KCNIP2: variants seen among roughly 807,000 people sequenced by gnomAD.
KCNIP2 encodes A-type potassium channel modulatory protein KCNIP2.
A neutral mutation model predicts 39.0 loss-of-function variants in KCNIP2; 19 were observed. The ratio of observed to expected loss-of-function variants is 0.49; its 90% CI spans 0.34 to 0.71. The LOEUF (loss-of-function observed/expected upper bound fraction) is 0.71, where lower values mean the gene tolerates loss of function less well. Ranked by LOEUF, KCNIP2 falls within the 30% of genes least tolerant of loss-of-function variation. The pLI is 0.01. For missense variants in KCNIP2, 261 were observed against 346.0 expected (o/e 0.75, Z 1.95); for synonymous variants, 111 against 131.2 (o/e 0.85, Z 1.05).
At chr10:101,836,178 C>T (rs1026566377) in intron 1 of KCNIP2, among the ~76,000 whole-genome samples, 7 of 152,166 alleles carry the variant, frequency 4.6e-5, no homozygotes, top group Non-Finnish European at 8.8e-5. Flanking sequence ...GGGCACGCGT[C>T]CAACCTCACA....
rs1366609248 is a variant in KCNIP2, at chr10:101,830,460, G to A, written c.170-563C>T. On this transcript the variant is annotated intron_variant, in intron 2 of 9. Transcript: ENST00000356640. ...ACATACAGACCCTCACGGCCGCCTG[G>A]TCTACACAGGCCGCCACAGCTACAC... 4 of 1,285,772 alleles carry A rather than the reference G, an allele frequency of 3.1e-6. No individual in the cohort carries two copies. In the African/African-American group the frequency reaches 4.6e-5, roughly 15 times the overall value. 79.6% of individuals were successfully genotyped at this position (1,285,772 alleles called of 1,614,324 possible).
chr10:101,836,818 G>A (rs548580635), intron 1 of KCNIP2, among the ~76,000 whole-genome samples: 12 of 152,010 alleles, frequency 7.9e-5, no homozygotes, highest in Middle Eastern at 3.4e-3. Flanking sequence ...AAAATTAGCC[G>A]GGCGTGGTGG....
chr10:101,830,028 A>C, intron 2 of KCNIP2, 131 bp from the exon 3 acceptor site: 1 of 1,028,880 alleles, frequency 9.7e-7, no homozygotes, highest in Non-Finnish European at 1.4e-6. Flanking sequence ...GCACAGACAC[A>C]CACGAAACGG....
rs888138861 is a variant in KCNIP2, at chr10:101,829,868, G to T, written c.199C>A (p.His67Asn). ...TLAAPASLRP[H>N]RPRLLDPDSV... ...CCTGGGTCCAGCAGGCGGGGTCTGT[G>T]GGGGCGGAGGGAGGCTGGGGCGGCT... is the stretch of plus-strand genomic sequence containing the variant. Residue 67 changes from histidine (H) to asparagine (N), a missense_variant, in exon 3 of 10, where the codon CAC becomes AAC. His to Asn is a moderately conservative substitution (Grantham distance 68). Coordinates refer to ENST00000356640, the MANE Select transcript of KCNIP2 (RefSeq NM_173191.3). 7 of 1,498,994 alleles carry T rather than the reference G, an allele frequency of 4.7e-6. No homozygotes were observed. The highest frequency in any genetic ancestry group is 5.3e-6 in the Non-Finnish European group (6 of 1,128,816). 92.9% of individuals were successfully genotyped at this position (1,498,994 alleles called of 1,614,324 possible). A position where few individuals can be genotyped will look rare whatever the true frequency, so the allele number is the denominator to read the frequency against.
chr10:101,829,043 C>A, intron 4 of KCNIP2, 32 bp downstream of exon 4: 7 of 1,605,206 alleles, frequency 4.4e-6, no homozygotes, highest in Non-Finnish European at 5.1e-6. Context: ...CCTGTCCCAC[C>A]CTCGCTGAGT....
chr10:101,836,386 G>A (rs1293602556), intron 1 of KCNIP2, among the ~76,000 whole-genome samples: 2 of 150,616 alleles, frequency 1.3e-5, no homozygotes, highest in East Asian at 2.0e-4. Flanking sequence ...GATTACAGGC[G>A]TGCACCACCA....
chr10:101,829,177 T>G lies in KCNIP2; in HGVS notation c.246A>C (p.Glu82Asp). The G allele has an allele frequency of 6.2e-7, 1 of 1,613,946 alleles. No homozygotes were observed. Among genetic ancestry groups the G allele is most frequent in the Non-Finnish European group, 8.5e-7 (1 of 1,179,920 alleles). ...LDPDSVDDEF[E>D]LSTVCHRPEG... Reference sequence around the variant, plus strand: ...CAGGCCGGTGACACACGGTGGACAATTCAAATTCATCGTCCACGCTGTCTG... The same window carrying G: ...CAGGCCGGTGACACACGGTGGACAAGTCAAATTCATCGTCCACGCTGTCTG... The change falls in exon 4 of 10, where the codon GAA becomes GAC. Residue 82 changes from glutamate (E) to aspartate (D), a missense_variant. Coordinates refer to ENST00000356640, the MANE Select transcript of KCNIP2 (RefSeq NM_173191.3).
intron 1 of KCNIP2, among the ~76,000 whole-genome samples, chr10:101,837,368 A>G (rs922421904): frequency 6.6e-6 from 1 of 152,128 alleles, no homozygotes. Context: ...AACAGCTGAC[A>G]TGCTAATTAA....
Position 101,827,322 on chromosome 10 carries a change from C to T in KCNIP2, c.*31G>A, listed in dbSNP as rs188562801. On this transcript the variant is annotated 3_prime_UTR_variant, in exon 10 of 10. Transcript: ENST00000356640. The stretch of plus-strand genomic sequence containing the variant: ...TGGACTAGGGTTAGAGCATGGTCCC[C>T]CCAGGAAACACTGACCCCCTCTCCT... 40 of 1,584,170 alleles carry T rather than the reference C, an allele frequency of 2.5e-5. No homozygotes were observed. The Admixed American group carries it at 6.2e-4, about 25-fold the overall frequency.
chr10:101,830,214 G>A (rs895123699), intron 2 of KCNIP2, among the ~76,000 whole-genome samples: 3 of 152,178 alleles, frequency 2.0e-5, no homozygotes, highest in African/African-American at 7.2e-5. Context: ...TGAGGAAATG[G>A]AGACCTAGAG....
rs199813930 is a variant in KCNIP2, at chr10:101,828,708, G to A, written c.349-12C>T. 2.0e-4 allele frequency: 329 copies of A among 1,614,132 alleles called. No homozygotes were observed. The highest frequency in any genetic ancestry group is 3.3e-4 in the Middle Eastern group (2 of 6,060). ...CCGCTGGGACATTCCTGGAAGGAGA[G>A]GGCACCAGGCTGAGGGCAGAGACAA... On this transcript the variant is annotated splice_polypyrimidine_tract_variant and intron_variant, in intron 4 of 9. Transcript: ENST00000356640. This position sits in a 1 kb window ranked among gnomAD's most constrained non-coding sequence, Gnocchi z 6.6.
At chr10:101,832,935 T>G (rs1485982662) in intron 1 of KCNIP2, among the ~76,000 whole-genome samples, 1 of 152,220 alleles carries the variant, frequency 6.6e-6, no homozygotes, top group Non-Finnish European at 1.5e-5. Context: ...CCAGATTGAA[T>G]GAGAACAAGC....
intron 1 of KCNIP2, chr10:101,839,907 C>T (rs2066274302): frequency 2.7e-6 from 4 of 1,482,520 alleles, no homozygotes; most frequent in Admixed American, 2.3e-5. Flanking sequence ...TCTCCGCCCT[C>T]ACCCGGGTAG....
chr10:101,838,897 G>T lies in KCNIP2; in HGVS notation c.73+4599C>A, dbSNP rs1270657755. 1.3e-5 allele frequency among the ~76,000 whole-genome samples: 2 copies of T among 152,186 alleles called. No homozygotes were observed. Among genetic ancestry groups the T allele is most frequent in the East Asian group, 3.8e-4 (2 of 5,196 alleles). ...GTACAGAGGAGACGTTGCGTTCTAT[G>T]GGCCCTGCCCAAGCAGTCATAAGGA... On this transcript the variant is annotated intron_variant, in intron 1 of 9. Coordinates refer to ENST00000356640, the MANE Select transcript of KCNIP2 (RefSeq NM_173191.3). The surrounding 1 kb of genome is among the most constrained non-coding windows in gnomAD (Gnocchi z 4.0).
At chr10:101,831,318 A>C in intron 1 of KCNIP2, 151 bp from the exon 2 acceptor site, 1 of 652,994 alleles carries the variant, frequency 1.5e-6, no homozygotes, top group Non-Finnish European at 2.6e-6. Flanking sequence ...GGTGGTTGGA[A>C]TCGGGTTAGG....
In KCNIP2 at chr10:101,827,039, G is replaced by T; in HGVS notation, c.*314C>A. On this transcript the variant is annotated 3_prime_UTR_variant, in exon 10 of 10. Coordinates refer to ENST00000356640, the MANE Select transcript of KCNIP2 (RefSeq NM_173191.3). ...CCATAGCAGGAGACATCTGTCTAGTGTGTTTCTAGAGTAGGGGTAGGAGGT... is the reference window on the plus strand; with the variant it reads ...CCATAGCAGGAGACATCTGTCTAGTTTGTTTCTAGAGTAGGGGTAGGAGGT... 3.3e-6 allele frequency: 1 copy of T among 302,726 alleles called. No individual in the cohort carries two copies. Among genetic ancestry groups the T allele is most frequent in the Non-Finnish European group, 6.0e-6 (1 of 166,256 alleles). The allele number at this position is 302,726 out of a possible 1,614,324, so 18.8% of individuals were successfully genotyped here. A position where few individuals can be genotyped will look rare whatever the true frequency, so the allele number is the denominator to read the frequency against.
chr10:101,832,039 C>T lies in KCNIP2; in HGVS notation c.74-872G>A, dbSNP rs145907462. Among the ~76,000 whole-genome samples the T allele has an allele frequency of 1.1e-3, 174 of 152,342 alleles. 1 individual carries two copies. The highest frequency in any genetic ancestry group is 3.9e-3 in the African/African-American group (161 of 41,568). On this transcript the variant is annotated intron_variant, in intron 1 of 9. Coordinates refer to ENST00000356640, the MANE Select transcript of KCNIP2 (RefSeq NM_173191.3). The stretch of plus-strand genomic sequence containing the variant: ...TCCAAGGTGCCCAGAATCTTTCTGC[C>T]AAAGGGCAGGGTTCCTCATCAGCTA...
intron 9 of KCNIP2, 42 bp from the exon 10 acceptor site, chr10:101,827,442 A>G: frequency 6.3e-7 from 1 of 1,580,536 alleles, no homozygotes; most frequent in Non-Finnish European, 8.7e-7. Flanking sequence ...AGAGAGAGAA[A>G]GAGAAGGAGC....
intron 1 of KCNIP2, among the ~76,000 whole-genome samples, chr10:101,837,752 G>A (rs1391659302): frequency 6.6e-6 from 1 of 152,144 alleles, no homozygotes; most frequent in Non-Finnish European, 1.5e-5. Context: ...TCCAATATGT[G>A]CGGGGTGTCA....
Sources: allele counts gnomAD v4.1 joint callset (sites outside exome capture counted in the v4.1 genomes callset), GRCh38; gene constraint gnomAD v4.1.1; non-coding constraint Gnocchi (gnomAD v3.1); transcripts MANE v1.5; gene names NCBI Gene and HGNC (gene_info 2026-07-23, HGNC 2026-07-21).